Variants in DCDC2 observed in about 807,000 individuals in gnomAD.
DCDC2 encodes the protein doublecortin domain-containing protein 2.
DCDC2 carries 40 observed loss-of-function variants against 50.2 expected under a neutral mutation model. The observed-to-expected ratio is 0.80, with a 90% CI of 0.62 to 1.04. DCDC2 has a LOEUF of 1.04. DCDC2 is among the 50% of genes least tolerant of loss of function. The probability of loss-of-function intolerance (pLI) is 0.00; values close to 1 mark genes in which losing one functional copy is unlikely to be tolerated. For synonymous variants in DCDC2, 234 were observed against 210.6 expected (o/e 1.11, Z -0.96); for missense variants, 570 against 581.9 (o/e 0.98, Z 0.21).
chr6:24,378,275 C>T, the DCDC2 span, among the ~76,000 whole-genome samples: 1 of 152,152 alleles, frequency 6.6e-6, no homozygotes, highest in Admixed American at 6.5e-5. Flanking sequence ...TGTGTTTCCC[C>T]TCCCGCTTCT....
upstream of DCDC2, among the ~76,000 whole-genome samples, chr6:24,359,407 ATATAT>A (rs1760608639): frequency 1.5e-5 from 1 of 65,798 alleles, no homozygotes; most frequent in Non-Finnish European, 2.6e-5. Context: ...TATATATTTT[ATATAT>A]TATATATTAT....
intron 4 of DCDC2, among the ~76,000 whole-genome samples, chr6:24,298,836 A>G (rs1451219197): frequency 6.6e-6 from 1 of 152,236 alleles, no homozygotes; most frequent in Admixed American, 6.5e-5. Context: ...AACTCTTTGG[A>G]AGGCAATTGG....
intron 7 of DCDC2, among the ~76,000 whole-genome samples, chr6:24,261,579 T>C (rs1197412393): frequency 1.3e-5 from 2 of 152,136 alleles, no homozygotes; most frequent in African/African-American, 4.8e-5. Flanking sequence ...TTCTAAGGTG[T>C]GTTTCATGGG....
chr6:24,257,587 A>G (rs1206933986), intron 7 of DCDC2, among the ~76,000 whole-genome samples: 1 of 152,046 alleles, frequency 6.6e-6, no homozygotes, highest in East Asian at 1.9e-4. Context: ...AAGAGAATAA[A>G]GTTATGGGTA....
intron 9 of DCDC2, among the ~76,000 whole-genome samples, chr6:24,177,118 A>G (rs1440330361): frequency 6.6e-6 from 1 of 152,218 alleles, no homozygotes; most frequent in East Asian, 1.9e-4. Context: ...GCTTTCATCA[A>G]AAGCTACTAC....
intron 4 of DCDC2, among the ~76,000 whole-genome samples, chr6:24,297,867 A>G (rs1293617114): frequency 6.6e-6 from 1 of 152,232 alleles, no homozygotes; most frequent in African/African-American, 2.4e-5. Flanking sequence ...CATAAAACGT[A>G]GTGATTATAA....
At chr6:24,228,907 T>C (rs1410461531) in intron 7 of DCDC2, among the ~76,000 whole-genome samples, 1 of 152,162 alleles carries the variant, frequency 6.6e-6, no homozygotes, top group Non-Finnish European at 1.5e-5. Flanking sequence ...TAGTTCTAGT[T>C]CTGTTGTGGC....
chr6:24,327,504 G>T (rs1759895066), intron 2 of DCDC2, among the ~76,000 whole-genome samples: 1 of 134,214 alleles, frequency 7.5e-6, no homozygotes, highest in African/African-American at 2.8e-5. Context: ...ACGGAGTTTT[G>T]CTCTTGTTGC....
chr6:24,319,167 T>C (rs1360535615), intron 2 of DCDC2, among the ~76,000 whole-genome samples: 2 of 152,214 alleles, frequency 1.3e-5, no homozygotes, highest in African/African-American at 4.8e-5. Flanking sequence ...TTAATTTGCA[T>C]TTCTCTGATG....
intron 8 of DCDC2, among the ~76,000 whole-genome samples, chr6:24,179,822 T>C (rs867923821): frequency 3.8e-4 from 58 of 151,130 alleles, no homozygotes; most frequent in African/African-American, 1.3e-3. Context: ...GGCGTGGTGG[T>C]GGGCACCTGT....
At chr6:24,183,642 G>A (rs1356504924) in intron 8 of DCDC2, among the ~76,000 whole-genome samples, 1 of 152,138 alleles carries the variant, frequency 6.6e-6, no homozygotes, top group East Asian at 1.9e-4. Flanking sequence ...GTGGGACCCT[G>A]AGAGACACAT....
intron 2 of DCDC2, among the ~76,000 whole-genome samples, chr6:24,340,736 G>GT (rs1760139120): frequency 1.3e-5 from 2 of 151,928 alleles, no homozygotes; most frequent in Admixed American, 6.6e-5. Flanking sequence ...AAAAAATTTT[G>GT]TTTTTTTGAG....
intron 8 of DCDC2, among the ~76,000 whole-genome samples, chr6:24,195,505 G>C (rs1450467160): frequency 6.6e-6 from 1 of 152,164 alleles, no homozygotes; most frequent in African/African-American, 2.4e-5. Flanking sequence ...GGGAGACATT[G>C]TCTTTATCAT....
intron 6 of DCDC2, among the ~76,000 whole-genome samples, chr6:24,279,441 C>A (rs544888700): frequency 5.3e-5 from 8 of 152,176 alleles, no homozygotes; most frequent in African/African-American, 1.4e-4. Context: ...ATCAGCCTGG[C>A]GTGCTGGTAC....
At position 24,174,788 on chromosome 6, in the gene DCDC2, G is replaced by A; in HGVS notation, c.1373C>T (p.Thr458Ile). 1 of 1,613,548 alleles carries A rather than the reference G, an allele frequency of 6.2e-7. No homozygotes were observed. The highest frequency in any genetic ancestry group is 8.5e-7 in the Non-Finnish European group (1 of 1,179,746). ...QRPPRPEVKI[T>I]SPEENENNQQ... The stretch of plus-strand genomic sequence containing the variant: ...GTTGTTTTCATTTTCTTCTGGACTG[G>A]TAATTTTTACTTCTGGCCTTGGTGG... The change falls in exon 10 of 10, where the codon ACC becomes ATC. Residue 458 changes from threonine (T) to isoleucine (I), a missense_variant. Coordinates refer to ENST00000378454, the MANE Select transcript of DCDC2 (RefSeq NM_016356.5).
chr6:24,337,856 T>A (rs1381930014), intron 2 of DCDC2, among the ~76,000 whole-genome samples: 2 of 151,872 alleles, frequency 1.3e-5, no homozygotes, highest in Non-Finnish European at 2.9e-5. Flanking sequence ...CTTTTCTGGA[T>A]TCACTTCCTA....
chr6:24,305,779 C>A (rs1759459397), intron 2 of DCDC2, among the ~76,000 whole-genome samples: 1 of 147,426 alleles, frequency 6.8e-6, no homozygotes, highest in Non-Finnish European at 1.5e-5. Flanking sequence ...ATAATCCCAG[C>A]ACTTTGGGAG....
intron 2 of DCDC2, among the ~76,000 whole-genome samples, chr6:24,306,511 T>C (rs914231721): frequency 6.4e-5 from 8 of 124,504 alleles, no homozygotes; most frequent in Non-Finnish European, 1.4e-4. Flanking sequence ...GATAGATAGA[T>C]AGATAGATAG....
chr6:24,317,915 A>G (rs1759701600), intron 2 of DCDC2, among the ~76,000 whole-genome samples: 1 of 152,032 alleles, frequency 6.6e-6, no homozygotes, highest in Non-Finnish European at 1.5e-5. Context: ...TCGAACTTGT[A>G]ACTAGAGAAA....
Sources: gnomAD v4.1 joint callset for allele counts (sites outside exome capture counted in the v4.1 genomes callset) on GRCh38, gnomAD v4.1.1 for gene constraint, MANE v1.5 for transcripts, NCBI Gene and HGNC (gene_info 2026-07-23, HGNC 2026-07-21) for gene names.